DOCK3: variants seen among roughly 807,000 people sequenced by gnomAD.
DOCK3 encodes the protein dedicator of cytokinesis 3, also known as dedicator of cytokinesis protein 3.
DOCK3 carries 60 observed loss-of-function variants against 265.6 expected under a neutral mutation model. That is an observed-to-expected ratio of 0.23 (90% CI 0.18 to 0.28). The LOEUF (loss-of-function observed/expected upper bound fraction) is 0.28. Ranked by LOEUF, DOCK3 falls within the 10% of genes least tolerant of loss-of-function variation. The probability of loss-of-function intolerance (pLI) is 1.00; values close to 1 mark genes in which losing one functional copy is unlikely to be tolerated. For missense variants in DOCK3, 1,981 were observed against 2,594.3 expected (o/e 0.76, Z 5.14); for synonymous variants, 881 against 938.0 (o/e 0.94, Z 1.11).
At chr3:51,313,211 T>G (rs1370727715) in intron 31 of DOCK3, among the ~76,000 whole-genome samples, 1 of 152,236 alleles carries the variant, frequency 6.6e-6, no homozygotes, top group East Asian at 1.9e-4. Context: ...AACCCATTCC[T>G]ATAAGATCCT....
At chr3:50,812,282 A>G (rs901746443) in intron 2 of DOCK3, among the ~76,000 whole-genome samples, 2 of 152,206 alleles carry the variant, frequency 1.3e-5, no homozygotes, top group African/African-American at 2.4e-5. Context: ...GTGCAAGTCC[A>G]CTGAGTAGAG....
At chr3:50,963,219 T>G (rs1337801021) in intron 5 of DOCK3, among the ~76,000 whole-genome samples, 3 of 152,196 alleles carry the variant, frequency 2.0e-5, no homozygotes, top group Non-Finnish European at 1.5e-5. Context: ...TGCTGAATCT[T>G]CTTGCAAAAC....
intron 22 of DOCK3, among the ~76,000 whole-genome samples, chr3:51,250,835 G>A (rs1037351145): frequency 6.6e-6 from 1 of 152,136 alleles, no homozygotes; most frequent in Non-Finnish European, 1.5e-5. Context: ...AGATGGGAAA[G>A]GGCTTGGGTT....
intron 3 of DOCK3, among the ~76,000 whole-genome samples, chr3:50,886,597 C>T (rs951790801): frequency 5.0e-5 from 7 of 140,924 alleles, no homozygotes; most frequent in African/African-American, 1.8e-4. Flanking sequence ...TGTGATGTTC[C>T]CCTTCCTGTG....
At chr3:51,177,871 G>A (rs376192235) in intron 12 of DOCK3, among the ~76,000 whole-genome samples, 14 of 151,942 alleles carry the variant, frequency 9.2e-5, no homozygotes, top group African/African-American at 3.4e-4. Flanking sequence ...CATGCCTGTA[G>A]TCTCAAATAC....
chr3:51,263,667 A>T (rs2079990558), intron 23 of DOCK3, among the ~76,000 whole-genome samples: 1 of 152,254 alleles, frequency 6.6e-6, no homozygotes, highest in African/African-American at 2.4e-5. Flanking sequence ...TGTTGTATTC[A>T]GGAGACCCAT....
At chr3:51,273,682 A>G (rs2080641366) in intron 24 of DOCK3, among the ~76,000 whole-genome samples, 1 of 152,160 alleles carries the variant, frequency 6.6e-6, no homozygotes, top group Non-Finnish European at 1.5e-5. Context: ...CAGTGCCCAA[A>G]TCTCTTATAT....
At chr3:51,047,284 A>G (rs2080815204) in intron 5 of DOCK3, among the ~76,000 whole-genome samples, 1 of 150,976 alleles carries the variant, frequency 6.6e-6, no homozygotes. Flanking sequence ...GAGGGATAGC[A>G]TTAGGAGATA....
chr3:51,328,462 C>T (rs924353756), intron 32 of DOCK3, among the ~76,000 whole-genome samples: 3 of 152,168 alleles, frequency 2.0e-5, no homozygotes, highest in African/African-American at 7.2e-5. Flanking sequence ...AGGCAAGTTC[C>T]TGCTTATGCC....
chr3:50,937,664 A>G (rs1188046874), intron 5 of DOCK3, among the ~76,000 whole-genome samples: 2 of 152,186 alleles, frequency 1.3e-5, no homozygotes, highest in Non-Finnish European at 2.9e-5. Flanking sequence ...TCGAAAAACA[A>G]CAACAGCAGC....
At chr3:51,102,018 G>C (rs1159570365) in intron 9 of DOCK3, among the ~76,000 whole-genome samples, 2 of 152,168 alleles carry the variant, frequency 1.3e-5, no homozygotes, top group Non-Finnish European at 2.9e-5. Context: ...CTTTTAAAAA[G>C]TTTTGTTGTC....
chr3:51,030,501 T>C (rs1031630200), intron 5 of DOCK3, among the ~76,000 whole-genome samples: 1 of 152,192 alleles, frequency 6.6e-6, no homozygotes, highest in African/African-American at 2.4e-5. Flanking sequence ...TATCCATTTT[T>C]AGGATACACC....
At chr3:51,380,968 G>C (rs1553618339) in intron 52 of DOCK3, 82 bp from the exon 53 acceptor site, 26 of 1,479,204 alleles carry the variant, frequency 1.8e-5, no homozygotes, top group Non-Finnish European at 2.3e-5. Flanking sequence ...TCATTCATAA[G>C]CAGGCTCTTG....
intron 4 of DOCK3, among the ~76,000 whole-genome samples, chr3:50,903,462 T>G (rs1203946997): frequency 6.6e-6 from 1 of 152,242 alleles, no homozygotes; most frequent in Non-Finnish European, 1.5e-5. Flanking sequence ...ATGTGCTTAA[T>G]TACATTTATT....
At chr3:51,350,154 A>G in intron 39 of DOCK3, 134 bp from the exon 40 acceptor site, 1 of 720,958 alleles carries the variant, frequency 1.4e-6, no homozygotes, top group Non-Finnish European at 2.3e-6. Context: ...TCATGTCTAG[A>G]GGCTCACTTA....
At chr3:51,298,362 G>A (rs2082212202) in intron 27 of DOCK3, among the ~76,000 whole-genome samples, 1 of 152,132 alleles carries the variant, frequency 6.6e-6, no homozygotes, top group East Asian at 1.9e-4. Flanking sequence ...GCAGCTAAAA[G>A]TTTGTCCATC....
At chr3:51,206,487 G>T (rs186901473) in intron 12 of DOCK3, among the ~76,000 whole-genome samples, 1 of 152,014 alleles carries the variant, frequency 6.6e-6, no homozygotes, top group Admixed American at 6.5e-5. Flanking sequence ...GTCTAAGGTA[G>T]GGATGTTGAG....
At chr3:51,065,627 A>C (rs1262042679) in intron 6 of DOCK3, among the ~76,000 whole-genome samples, 3 of 152,166 alleles carry the variant, frequency 2.0e-5, no homozygotes, top group Non-Finnish European at 4.4e-5. Context: ...CAGATAAACA[A>C]ATATAAAAAA....
chr3:50,983,434 C>T (rs1559897881), intron 5 of DOCK3, among the ~76,000 whole-genome samples: 1 of 152,134 alleles, frequency 6.6e-6, no homozygotes, highest in Admixed American at 6.5e-5. Context: ...CACATTTCCT[C>T]CCCTCTGTGG....
Sources: gnomAD v4.1 joint callset for allele counts (sites outside exome capture counted in the v4.1 genomes callset) on GRCh38, gnomAD v4.1.1 for gene constraint, MANE v1.5 for transcripts, NCBI Gene and HGNC (gene_info 2026-07-23, HGNC 2026-07-21) for gene names.